The following SNTG1 variants were observed in gnomAD, a reference collection of about 807,000 sequenced individuals.
SNTG1 encodes syntrophin gamma 1, also known as gamma-1-syntrophin.
A neutral mutation model predicts 74.7 loss-of-function variants in SNTG1; 39 were observed. The observed-to-expected ratio is 0.52, with a 90% confidence interval of 0.40 to 0.68. The LOEUF (loss-of-function observed/expected upper bound fraction) is 0.68. Among genes scored for constraint, SNTG1 ranks in the 30% least tolerant of loss-of-function variants. The pLI is 0.00. For synonymous variants in SNTG1, 254 were observed against 217.1 expected, an observed-to-expected ratio of 1.17 and a Z score of -1.49; for missense variants, 685 against 609.5, an observed-to-expected ratio of 1.12 and a Z score of -1.30.
intron 2 of SNTG1, among the ~76,000 whole-genome samples, chr8:50,190,009 A>G (rs2083509994): frequency 6.6e-6 from 1 of 151,970 alleles, no homozygotes; most frequent in African/African-American, 2.4e-5. Context: ...GATATTCCCT[A>G]TTTTCTGTTT....
At chr8:50,028,868 A>G (rs1817507355) in intron 1 of SNTG1, among the ~76,000 whole-genome samples, 2 of 152,160 alleles carry the variant, frequency 1.3e-5, no homozygotes, top group African/African-American at 2.4e-5. Context: ...TATTTCCCTA[A>G]TGGCTAGAGA....
chr8:50,521,160 A>G (rs1028147717), intron 9 of SNTG1, among the ~76,000 whole-genome samples: 1 of 152,182 alleles, frequency 6.6e-6, no homozygotes, highest in Admixed American at 6.5e-5. Context: ...TCAGTAGACT[A>G]ACACAGGAAC....
At chr8:49,923,691 A>T (rs945670433) in intron 1 of SNTG1, among the ~76,000 whole-genome samples, 4 of 152,144 alleles carry the variant, frequency 2.6e-5, no homozygotes, top group African/African-American at 9.7e-5. Flanking sequence ...AACTGGAACA[A>T]ATCCAATAAG....
intron 14 of SNTG1, among the ~76,000 whole-genome samples, chr8:50,657,245 T>C (rs1205570501): frequency 1.3e-5 from 2 of 152,136 alleles, no homozygotes; most frequent in African/African-American, 2.4e-5. Flanking sequence ...TCTTTATAAA[T>C]AGTGAACCTA....
chr8:50,357,580 C>A (rs138451444), intron 2 of SNTG1, among the ~76,000 whole-genome samples: 175 of 152,278 alleles, frequency 1.1e-3, no homozygotes, highest in African/African-American at 4.0e-3. Context: ...ATTCTCTGTG[C>A]AGTAAGACTG....
intron 1 of SNTG1, among the ~76,000 whole-genome samples, chr8:50,158,623 G>A (rs28533556): frequency 0.028 from 4,246 of 152,180 alleles, 214 homozygotes; most frequent in African/African-American, 0.093. Flanking sequence ...ATTTTTCCAC[G>A]TTGATTTATG....
chr8:50,060,884 C>T (rs1820415763), intron 1 of SNTG1, among the ~76,000 whole-genome samples: 1 of 152,064 alleles, frequency 6.6e-6, no homozygotes, highest in South Asian at 2.1e-4. Context: ...CATGTCAAAC[C>T]AGCAATCCCT....
At chr8:50,012,867 A>G (rs1289210232) in intron 1 of SNTG1, among the ~76,000 whole-genome samples, 1 of 152,096 alleles carries the variant, frequency 6.6e-6, no homozygotes, top group Admixed American at 6.6e-5. Context: ...CTTGTCTGGT[A>G]CCTCATCCTG....
intron 1 of SNTG1, among the ~76,000 whole-genome samples, chr8:50,024,549 T>G (rs1233456642): frequency 6.6e-6 from 1 of 152,142 alleles, no homozygotes; most frequent in Non-Finnish European, 1.5e-5. Flanking sequence ...GGGAAACACG[T>G]TCCAGGACTT....
At chr8:50,143,104 T>TA (rs1339329628) in intron 1 of SNTG1, among the ~76,000 whole-genome samples, 1 of 151,762 alleles carries the variant, frequency 6.6e-6, no homozygotes, top group Admixed American at 6.6e-5. Flanking sequence ...TAAATAAAAA[T>TA]AAAAAATAAA....
At chr8:50,373,994 AT>A (rs778795150) in intron 2 of SNTG1, among the ~76,000 whole-genome samples, 11 of 151,642 alleles carry the variant, frequency 7.3e-5, no homozygotes, top group East Asian at 3.9e-4. Flanking sequence ...AGCCTACACA[AT>A]TTTTTTTTAT....
intron 2 of SNTG1, among the ~76,000 whole-genome samples, chr8:50,197,317 T>C (rs1256632704): frequency 3.3e-5 from 5 of 152,210 alleles, no homozygotes; most frequent in Non-Finnish European, 2.9e-5. Flanking sequence ...AATACATTCC[T>C]GTAAGCAGTA....
chr8:50,318,493 C>T (rs1402429937), intron 2 of SNTG1, among the ~76,000 whole-genome samples: 1 of 152,176 alleles, frequency 6.6e-6, no homozygotes, highest in Non-Finnish European at 1.5e-5. Context: ...TCATTGCCCT[C>T]CATCACTTCA....
chr8:49,953,501 C>G (rs1418147554), intron 1 of SNTG1, among the ~76,000 whole-genome samples: 21 of 152,192 alleles, frequency 1.4e-4, no homozygotes, highest in Non-Finnish European at 2.2e-4. Flanking sequence ...GGTAGACAAG[C>G]TGGGGAGTCA....
At chr8:49,928,653 A>T (rs1157422380) in intron 1 of SNTG1, among the ~76,000 whole-genome samples, 2 of 152,150 alleles carry the variant, frequency 1.3e-5, no homozygotes, top group African/African-American at 4.8e-5. Flanking sequence ...ATTTTGCCCA[A>T]TTTTGCTGTC....
intron 1 of SNTG1, among the ~76,000 whole-genome samples, chr8:50,159,250 G>C (rs1365927942): frequency 1.3e-5 from 2 of 151,612 alleles, no homozygotes; most frequent in African/African-American, 2.4e-5. Context: ...CTATGAGTTT[G>C]TTACTAAACT....
intron 1 of SNTG1, among the ~76,000 whole-genome samples, chr8:49,923,637 T>C (rs13264385): frequency 0.64 from 96,683 of 151,820 alleles, 34,597 homozygotes; most frequent in East Asian, 0.86. Context: ...AGCATCAATC[T>C]CAGACTATAT....
At chr8:50,237,323 T>C (rs1401406461) in intron 2 of SNTG1, among the ~76,000 whole-genome samples, 1 of 152,142 alleles carries the variant, frequency 6.6e-6, no homozygotes, top group Non-Finnish European at 1.5e-5. Context: ...AAAATTCGGG[T>C]TCCATTATTT....
At chr8:50,340,154 T>A (rs187756228) in intron 2 of SNTG1, among the ~76,000 whole-genome samples, 1 of 152,162 alleles carries the variant, frequency 6.6e-6, no homozygotes, top group Non-Finnish European at 1.5e-5. Context: ...CCTAAATTTA[T>A]ATATAGTTTC....
Sources: gnomAD v4.1 joint callset for allele counts (sites outside exome capture counted in the v4.1 genomes callset) on GRCh38, gnomAD v4.1.1 for gene constraint, MANE v1.5 for transcripts, NCBI Gene and HGNC (gene_info 2026-07-23, HGNC 2026-07-21) for gene names.